The following MAP3K12 variants were observed in gnomAD, a reference collection of about 807,000 sequenced individuals.
The protein encoded by MAP3K12 is mitogen-activated protein kinase kinase kinase 12.
A neutral mutation model predicts 87.5 loss-of-function variants in MAP3K12; 14 were observed. The observed-to-expected ratio is 0.16, with a 90% confidence interval of 0.11 to 0.25. MAP3K12 has a LOEUF of 0.25. Among genes scored for constraint, MAP3K12 ranks in the 10% least tolerant of loss-of-function variants. The pLI, the probability that MAP3K12 is intolerant of heterozygous loss-of-function variation, is 1.00. For missense variants in MAP3K12, 802 were observed against 1,140.4 expected (o/e 0.70, Z 4.27); for synonymous variants, 469 against 452.5 (o/e 1.04, Z -0.46).
chr12:53,498,569 C>T (rs1055805545), intron 1 of MAP3K12, among the ~76,000 whole-genome samples: 3 of 152,174 alleles, frequency 2.0e-5, no homozygotes, highest in Admixed American at 1.3e-4. Context: ...CTTCCCTCCT[C>T]TCAGTCAAGG....
rs1943235426 is a variant in MAP3K12, at chr12:53,486,666, C to CGGTGG, written c.446-45_446-44insCCACC. On this transcript the variant is annotated intron_variant, in intron 2 of 13. Transcript: ENST00000547488. This position sits in a 1 kb window ranked among gnomAD's most constrained non-coding sequence, Gnocchi z 4.9. Reference sequence around the variant, plus strand: ...GTGCCACAAGCCTCAGAAAGAGCCACACTCAAGGCCAGGGACAGGATAGCA... The same window carrying CGGTGG: ...GTGCCACAAGCCTCAGAAAGAGCCACGGTGGACTCAAGGCCAGGGACAGGATAGCA... 1 of 1,522,478 alleles carries CGGTGG rather than the reference C, an allele frequency of 6.6e-7. No homozygotes were observed. The highest frequency in any genetic ancestry group is 2.1e-5 in the Admixed American group (1 of 46,722). The allele number at this position is 1,522,478 out of a possible 1,614,324, so 94.3% of individuals were successfully genotyped here.
At chr12:53,485,852 G>A (rs547677858) in intron 4 of MAP3K12, 7 of 583,362 alleles carry the variant, frequency 1.2e-5, no homozygotes, top group South Asian at 4.5e-5. Context: ...CACTGCATCC[G>A]GCCTGCCTTT....
At chr12:53,498,976 GTGTGTGTGTGTGTGTGTGTGTGTGTGT>G (rs1943609865) in intron 1 of MAP3K12, among the ~76,000 whole-genome samples, 2 of 35,182 alleles carry the variant, frequency 5.7e-5, no homozygotes, top group African/African-American at 9.2e-5. Context: ...GTGTGTGTGT[GTGTGTGTGTGTGTGTGTGTGTGTGTGT>G]GGAGATGGTG....
chr12:53,498,485 T>C (rs941676281), intron 1 of MAP3K12, among the ~76,000 whole-genome samples: 12 of 152,144 alleles, frequency 7.9e-5, no homozygotes, highest in Admixed American at 5.9e-4. Context: ...GATGAGCATC[T>C]ACAAGGTAGG....
intron 1 of MAP3K12, among the ~76,000 whole-genome samples, chr12:53,492,477 A>G (rs1467418971): frequency 6.6e-6 from 1 of 151,904 alleles, no homozygotes; most frequent in East Asian, 1.9e-4. Context: ...GCAAACACAC[A>G]CACAAAACTA....
At chr12:53,485,579 G>A (rs561277501) in intron 4 of MAP3K12, 104 bp from the exon 5 acceptor site, 238 of 1,269,810 alleles carry the variant, frequency 1.9e-4, no homozygotes, top group Non-Finnish European at 2.4e-4. Flanking sequence ...TGTTTGAGAC[G>A]GAGTCTCACT....
intron 1 of MAP3K12, among the ~76,000 whole-genome samples, chr12:53,489,889 C>T (rs913577080): frequency 5.3e-5 from 8 of 152,200 alleles, no homozygotes; most frequent in African/African-American, 1.9e-4. Context: ...TTTCCAGTCC[C>T]ACTGTTACTG....
chr12:53,501,205 C>T, upstream of MAP3K12: 1 of 598,052 alleles, frequency 1.7e-6, no homozygotes, highest in South Asian at 2.1e-5. Context: ...GAGCCACGCA[C>T]GCAGAGGGTT....
Position 53,481,067 on chromosome 12 carries a change from TA to T in MAP3K12, c.*114del. 2.7e-6 allele frequency: 1 copy of T among 367,378 alleles called. No homozygotes were observed. Among genetic ancestry groups the T allele is most frequent in the Non-Finnish European group, 4.1e-6 (1 of 243,600 alleles). The allele number at this position is 367,378 out of a possible 1,614,324, so 22.8% of individuals were successfully genotyped here. ...GGATCAGTCTCCCTCGAGCCTGACT[TA>T]CGGCTGGGACAGCCCCATCTTTCTG... is the stretch of plus-strand genomic sequence containing the variant. On this transcript the variant is annotated 3_prime_UTR_variant, in exon 14 of 14. Coordinates refer to ENST00000547488, the MANE Select transcript of MAP3K12 (RefSeq NM_001193511.2).
rs1458871021 is a variant in MAP3K12 at position 53,480,442 on chromosome 12, C to T, written c.*740G>A. 1 of 152,570 alleles carries T rather than the reference C, an allele frequency of 6.6e-6. No homozygotes were observed. Among genetic ancestry groups the T allele is most frequent in the Non-Finnish European group, 1.5e-5 (1 of 68,028 alleles). The allele number at this position is 152,570 out of a possible 1,614,324, so 9.5% of individuals were successfully genotyped here. ...TAAAGTCCGGAGCCCAAGGCTTTAT[C>T]TTAACCATGTATGGTACCCCATTCA... On this transcript the variant is annotated 3_prime_UTR_variant, in exon 14 of 14. Coordinates refer to ENST00000547488, the MANE Select transcript of MAP3K12 (RefSeq NM_001193511.2).
chr12:53,496,842 G>C (rs1175832520), intron 1 of MAP3K12, among the ~76,000 whole-genome samples: 4 of 152,186 alleles, frequency 2.6e-5, no homozygotes, highest in Admixed American at 2.6e-4. Context: ...AATAGGGAGA[G>C]GGTAGGTGGT....
chr12:53,489,321 AAAAC>A (rs201902532), intron 1 of MAP3K12, among the ~76,000 whole-genome samples: 274 of 152,224 alleles, frequency 1.8e-3, no homozygotes, highest in Non-Finnish European at 2.9e-3. Context: ...CCCGTCTCAA[AAAAC>A]AAACAAACAA....
At position 53,486,914 on chromosome 12, in the gene MAP3K12, C is replaced by T. The variant is rs193175936; in HGVS notation, c.445+33G>A. The T allele has an allele frequency of 1.4e-5, 23 of 1,607,098 alleles. No homozygotes were observed. Among genetic ancestry groups the T allele is most frequent in the Middle Eastern group, 1.7e-4 (1 of 6,032 alleles). On this transcript the variant is annotated intron_variant, in intron 2 of 13. Transcript: ENST00000547488. The surrounding 1 kb of genome is among the most constrained non-coding windows in gnomAD (Gnocchi z 4.9). ...CCAACAGATCTCGGGCTCAGGGAAACAGAGAGGAGGCTCCCACAAGGACGT... is the reference window on the plus strand; with the variant it reads ...CCAACAGATCTCGGGCTCAGGGAAATAGAGAGGAGGCTCCCACAAGGACGT...
intron 1 of MAP3K12, among the ~76,000 whole-genome samples, chr12:53,494,149 G>A (rs746211613): frequency 6.6e-6 from 1 of 152,218 alleles, no homozygotes; most frequent in East Asian, 1.9e-4. Flanking sequence ...TTGGAGGGGC[G>A]TCTAGGATGG....
chr12:53,497,280 G>C (rs905352426), intron 1 of MAP3K12, among the ~76,000 whole-genome samples: 2 of 152,144 alleles, frequency 1.3e-5, no homozygotes, highest in African/African-American at 2.4e-5. Context: ...ACACACACTT[G>C]TAAGTTTTTT....
At chr12:53,481,809 A>T in intron 13 of MAP3K12, 132 bp downstream of exon 13, 1 of 1,106,172 alleles carries the variant, frequency 9.0e-7, no homozygotes, top group Non-Finnish European at 1.3e-6. Flanking sequence ...CTGAAATTCC[A>T]CCACGTGGAT....
chr12:53,482,433 G>A, intron 11 of MAP3K12, 64 bp from the exon 12 acceptor site: 2 of 1,607,576 alleles, frequency 1.2e-6, no homozygotes, highest in East Asian at 2.2e-5. Context: ...AAGAATCCAG[G>A]AGAAGGGAAC....
At chr12:53,501,455 T>C (rs148956859), upstream of MAP3K12, 11 of 1,568,592 alleles carry the variant, frequency 7.0e-6, no homozygotes, top group African/African-American at 1.5e-4. Flanking sequence ...GGCTGCGGGC[T>C]GCCTAGGTGA....
At chr12:53,481,341 A>T in intron 13 of MAP3K12, 61 bp from the exon 14 acceptor site, 1 of 918,208 alleles carries the variant, frequency 1.1e-6, no homozygotes, top group South Asian at 2.1e-5. Flanking sequence ...GGTCATTTTA[A>T]TAGCCAGTGG....
Sources: gnomAD v4.1 joint callset for allele counts (sites outside exome capture counted in the v4.1 genomes callset) on GRCh38, gnomAD v4.1.1 for gene constraint, Gnocchi (gnomAD v3.1) non-coding constraint, MANE v1.5 for transcripts, NCBI Gene and HGNC (gene_info 2026-07-23, HGNC 2026-07-21) for gene names.